MAP3K21: variants seen among roughly 807,000 people sequenced by gnomAD.
MAP3K21 encodes mitogen-activated protein kinase kinase kinase 21, also known as mitogen-activated protein kinase kinase kinase MLK4.
MAP3K21 carries 63 observed loss-of-function variants against 86.1 expected under a neutral mutation model. That is an observed-to-expected ratio of 0.73 (90% CI 0.60 to 0.90). MAP3K21 has a LOEUF of 0.90. Ranked by LOEUF, MAP3K21 falls within the 40% of genes least tolerant of loss-of-function variation. MAP3K21 has a pLI of 0.00. For missense variants in MAP3K21, 1,220 were observed against 1,367.7 expected, an observed-to-expected ratio of 0.89 and a Z score of 1.70; for synonymous variants, 558 against 564.8, an observed-to-expected ratio of 0.99 and a Z score of 0.17.
Position 233,328,489 on chromosome 1 carries a change from G to T in MAP3K21, c.461G>T (p.Arg154Leu). Residue 154 changes from arginine to leucine, a missense_variant, in exon 1 of 10, where the codon CGC (arginine) becomes CTC (leucine). By Grantham distance (102) the Arg-to-Leu change is moderately radical (BLOSUM62 -2). Around this residue, in one of 5 missense-constraint regions of MAP3K21, gnomAD observed 369 missense variants for 385.3 expected, o/e 0.96. Coordinates refer to ENST00000366624, the MANE Select transcript of MAP3K21 (RefSeq NM_032435.3). The surrounding 1 kb of genome is among the most constrained non-coding windows in gnomAD (Gnocchi z 8.7). ...QGQEVAVKAA[R>L]QDPEQDAAAA... Reference sequence around the variant, plus strand: ...CAGGAGGTGGCCGTGAAGGCGGCGCGCCAGGACCCGGAGCAGGACGCGGCG... The same window carrying T: ...CAGGAGGTGGCCGTGAAGGCGGCGCTCCAGGACCCGGAGCAGGACGCGGCG... 6.6e-7 allele frequency: 1 copy of T among 1,512,538 alleles called. No homozygotes were observed. The highest frequency in any genetic ancestry group is 8.8e-7 in the Non-Finnish European group (1 of 1,140,942). 93.7% of individuals were successfully genotyped at this position (1,512,538 alleles called of 1,614,324 possible). A position where few individuals can be genotyped will look rare whatever the true frequency, so the allele number is the denominator to read the frequency against.
rs1421396237 is a variant in MAP3K21 at position 233,346,524 on chromosome 1, G to T, written c.888G>T (p.Trp296Cys). Reference protein sequence around the residue: ...KITDFGLAREWHRTTKMSTAG... With the variant: ...KITDFGLARECHRTTKMSTAG... ...CAGATTTTGGGTTGGCGAGGGAATGGCACAGGACCACCAAAATGAGCACAG... is the reference window on the plus strand; with the variant it reads ...CAGATTTTGGGTTGGCGAGGGAATGTCACAGGACCACCAAAATGAGCACAG... Residue 296 changes from tryptophan (W) to cysteine (C), a missense_variant, in exon 2 of 10, where the codon TGG becomes TGT. Trp to Cys is a radical substitution (Grantham distance 215). This residue lies in a region of MAP3K21 where 89 missense variants were observed against 144.8 expected (regional missense o/e 0.61). Coordinates refer to ENST00000366624, the MANE Select transcript of MAP3K21 (RefSeq NM_032435.3). 7.4e-6 allele frequency: 12 copies of T among 1,613,786 alleles called. No individual in the cohort carries two copies. The highest frequency in any genetic ancestry group is 9.3e-6 in the Non-Finnish European group (11 of 1,179,734).
At chr1:233,358,554 T>C (rs1043085087) in intron 4 of MAP3K21, among the ~76,000 whole-genome samples, 11 of 151,436 alleles carry the variant, frequency 7.3e-5, no homozygotes, top group South Asian at 2.1e-4. Context: ...TGAAAAAGAT[T>C]TTGAAGAGCA....
chr1:233,371,485 C>A (rs527384377), intron 5 of MAP3K21, among the ~76,000 whole-genome samples: 1 of 152,228 alleles, frequency 6.6e-6, no homozygotes, highest in South Asian at 2.1e-4. Flanking sequence ...CTCAGCCTTC[C>A]GAGTAGCTGG....
intron 1 of MAP3K21, among the ~76,000 whole-genome samples, chr1:233,339,368 C>CCTTCTCCTT (rs1458503476): frequency 1.6e-5 from 1 of 61,136 alleles, no homozygotes; most frequent in Non-Finnish European, 3.0e-5. Context: ...TCCTTCTCCT[C>CCTTCTCCTT]CTTCTCCTTC....
rs776223627 is a variant in MAP3K21, at chr1:233,346,459, A to T, written c.823A>T (p.Ile275Leu). ...KSSNILLLEK[I>L]EHDDICNKTL... is the part of the protein sequence containing the mutation. ...TTCTTTAGTTTTGCTACTTGAGAAGATAGAACATGATGACATCTGCAATAA... is the reference window on the plus strand; with the variant it reads ...TTCTTTAGTTTTGCTACTTGAGAAGTTAGAACATGATGACATCTGCAATAA... Residue 275 changes from isoleucine (I) to leucine (L), a missense_variant, in exon 2 of 10, where the codon ATA (isoleucine) becomes TTA (leucine). Physicochemically the swap from Ile to Leu is conservative, Grantham distance 5 (BLOSUM62 2). Coordinates refer to ENST00000366624, the MANE Select transcript of MAP3K21 (RefSeq NM_032435.3). 5 of 1,606,758 alleles carry T rather than the reference A, an allele frequency of 3.1e-6. No homozygotes were observed. Among genetic ancestry groups the T allele is most frequent in the Middle Eastern group, 1.7e-4 (1 of 6,026 alleles).
intron 2 of MAP3K21, among the ~76,000 whole-genome samples, chr1:233,350,298 G>A (rs529377250): frequency 6.6e-6 from 1 of 151,972 alleles, no homozygotes; most frequent in East Asian, 1.9e-4. Context: ...TGCAGATGTG[G>A]AGAGCTGACT....
At position 233,382,522 on chromosome 1, in the gene MAP3K21, A is replaced by G; in HGVS notation, c.2922A>G (p.Val974=). Residue 974 remains valine, a synonymous_variant, in exon 10 of 10, where the codon GTA becomes GTG. Transcript: ENST00000366624. ...CTCAGCTGGCACAGACTGCCTGTGT[A>G]GTGGGTCGCCCAGGACCACATCCCA... ...AVSQLAQTAC[V]VGRPGPHPTQ... is the part of the protein sequence containing the mutation. 1.2e-6 allele frequency: 2 copies of G among 1,614,182 alleles called. No individual in the cohort carries two copies. The highest frequency in any genetic ancestry group is 1.7e-6 in the Non-Finnish European group (2 of 1,180,034).
chr1:233,346,428 T>C lies in MAP3K21; in HGVS notation c.806-14T>C. The C allele has an allele frequency of 6.4e-7, 1 of 1,571,394 alleles. No individual in the cohort carries two copies. The highest frequency in any genetic ancestry group is 8.7e-7 in the Non-Finnish European group (1 of 1,155,686). On this transcript the variant is annotated splice_polypyrimidine_tract_variant and intron_variant, in intron 1 of 9. Transcript: ENST00000366624. ...AAAGAATATGCAAATGTCTCACTTT[T>C]GATTTTTCTTTAGTTTTGCTACTTG... is the stretch of plus-strand genomic sequence containing the variant.
chr1:233,357,404 TAAA>T (rs898133772), intron 4 of MAP3K21, among the ~76,000 whole-genome samples: 5 of 140,264 alleles, frequency 3.6e-5, no homozygotes, highest in African/African-American at 1.3e-4. Context: ...AAAGTATAAT[TAAA>T]AAAAAAAGAA....
intron 5 of MAP3K21, among the ~76,000 whole-genome samples, chr1:233,371,557 G>A (rs1051905076): frequency 6.6e-6 from 1 of 151,936 alleles, no homozygotes; most frequent in Non-Finnish European, 1.5e-5. Flanking sequence ...ATGGGGTTTT[G>A]CCATGTTGGC....
intron 5 of MAP3K21, among the ~76,000 whole-genome samples, chr1:233,364,473 G>A (rs1663533154): frequency 6.6e-6 from 1 of 152,168 alleles, no homozygotes. Flanking sequence ...TTAAGAAGCT[G>A]ATGGAAAGGG....
Position 233,372,062 on chromosome 1 carries a change from A to G in MAP3K21, c.1577A>G (p.Gln526Arg), listed in dbSNP as rs906376256. The G allele has an allele frequency of 3.1e-6, 5 of 1,613,954 alleles. No homozygotes were observed. In the African/African-American group the frequency reaches 5.3e-5, roughly 17 times the overall value. The change falls in exon 6 of 10, where the codon CAG becomes CGG. Residue 526 changes from glutamine (Q) to arginine (R), a missense_variant. Transcript: ENST00000366624. ...GATTTCCAGCACAAGATAACCGTGC[A>G]GGCCTCTCCCAACTTGGACAAACGG... ...PSDFQHKITV[Q>R]ASPNLDKRRS...
At chr1:233,340,680 T>C (rs1663024509) in intron 1 of MAP3K21, among the ~76,000 whole-genome samples, 1 of 152,190 alleles carries the variant, frequency 6.6e-6, no homozygotes, top group Admixed American at 6.5e-5. Context: ...AAACATTCTA[T>C]GCTATGTGAT....
intron 1 of MAP3K21, among the ~76,000 whole-genome samples, chr1:233,342,165 G>C (rs562002611): frequency 6.6e-6 from 1 of 152,258 alleles, no homozygotes; most frequent in East Asian, 1.9e-4. Flanking sequence ...GATGTGGATG[G>C]AACATTCAAA....
chr1:233,349,239 T>C (rs1663203479), intron 2 of MAP3K21, among the ~76,000 whole-genome samples: 2 of 152,210 alleles, frequency 1.3e-5, no homozygotes, highest in Non-Finnish European at 2.9e-5. Flanking sequence ...TTTAGTAATT[T>C]AATTTAGTAA....
chr1:233,368,013 G>A (rs1663612313), intron 5 of MAP3K21, among the ~76,000 whole-genome samples: 1 of 152,180 alleles, frequency 6.6e-6, no homozygotes, highest in African/African-American at 2.4e-5. Context: ...CTCACCCGTG[G>A]CTTTCCACGT....
At chr1:233,368,260 G>T (rs1016322376) in intron 5 of MAP3K21, among the ~76,000 whole-genome samples, 1 of 152,114 alleles carries the variant, frequency 6.6e-6, no homozygotes, top group African/African-American at 2.4e-5. Context: ...CTATGGTTAA[G>T]AATTTTTTTT....
intron 1 of MAP3K21, among the ~76,000 whole-genome samples, chr1:233,334,888 C>G (rs1662883550): frequency 6.6e-6 from 1 of 151,908 alleles, no homozygotes; most frequent in South Asian, 2.1e-4. Context: ...ATTTACAATT[C>G]AAGCCTAGTT....
At chr1:233,351,103 G>GT (rs35097559) in intron 2 of MAP3K21, among the ~76,000 whole-genome samples, 69,344 of 151,292 alleles carry the variant, frequency 0.46, 16,447 homozygotes, top group Admixed American at 0.58. Context: ...TTCTATGTAA[G>GT]TTTTTTTTGT....
Sources: allele counts gnomAD v4.1 joint callset (sites outside exome capture counted in the v4.1 genomes callset), GRCh38; gene constraint gnomAD v4.1.1; regional missense constraint gnomAD v4.1.1; non-coding constraint Gnocchi (gnomAD v3.1); transcripts MANE v1.5; gene names NCBI Gene and HGNC (gene_info 2026-07-23, HGNC 2026-07-21).